The following TMOD3 variants were observed in gnomAD, a reference collection of about 807,000 sequenced individuals.
TMOD3 encodes tropomodulin-3.
TMOD3 carries 20 observed loss-of-function variants against 39.2 expected under a neutral mutation model. That is an observed-to-expected ratio of 0.51 (90% CI 0.36 to 0.74). The LOEUF (loss-of-function observed/expected upper bound fraction) is 0.74. Ranked by LOEUF, TMOD3 falls within the 30% of genes least tolerant of loss-of-function variation. TMOD3 has a pLI of 0.00. For missense variants in TMOD3, 381 were observed against 412.8 expected (o/e 0.92, Z 0.67); for synonymous variants, 143 against 145.8 (o/e 0.98, Z 0.14).
chr15:51,886,581 A>G (rs951483301), intron 3 of TMOD3, among the ~76,000 whole-genome samples: 2 of 152,152 alleles, frequency 1.3e-5, no homozygotes, highest in Non-Finnish European at 2.9e-5. Flanking sequence ...CAGGAGAATC[A>G]GGCAGGGAGG....
chr15:51,894,033 T>TC, intron 6 of TMOD3, 88 bp downstream of exon 6: 2 of 1,223,836 alleles, frequency 1.6e-6, no homozygotes, highest in Admixed American at 5.5e-5. Flanking sequence ...ATAGTCTAAT[T>TC]CTTTCTACTT....
At chr15:51,839,840 C>A (rs1368063098) in intron 1 of TMOD3, among the ~76,000 whole-genome samples, 1 of 152,068 alleles carries the variant, frequency 6.6e-6, no homozygotes, top group Non-Finnish European at 1.5e-5. Context: ...GAATTTGTTT[C>A]TCAGTTCAGA....
At chr15:51,863,557 A>G (rs2056429861) in intron 2 of TMOD3, among the ~76,000 whole-genome samples, 2 of 152,212 alleles carry the variant, frequency 1.3e-5, no homozygotes, top group Admixed American at 1.3e-4. Flanking sequence ...TTTAACTTGC[A>G]AGGTGGATGT....
rs1294086213 is a variant in TMOD3, at chr15:51,912,636, A to T, written c.*3826A>T. ...TAACCTCCCAGCAGATGCAAGGATC[A>T]TGCTTTCTCTGGAGTCCTTAGTCAC... is the stretch of plus-strand genomic sequence containing the variant. On this transcript the variant is annotated 3_prime_UTR_variant, in exon 10 of 10. Transcript: ENST00000308580. The T allele has an allele frequency of 3.3e-5, 5 of 152,182 alleles. No individual in the cohort carries two copies. The highest frequency in any genetic ancestry group is 7.3e-5 in the Non-Finnish European group (5 of 68,048). 9.4% of individuals were successfully genotyped at this position (152,182 alleles called of 1,614,324 possible).
chr15:51,912,163 C>T lies in TMOD3; in HGVS notation c.*3353C>T, dbSNP rs1322910692. 3 of 152,132 alleles carry T rather than the reference C, an allele frequency of 2.0e-5. No homozygotes were observed. Among genetic ancestry groups the T allele is most frequent in the Non-Finnish European group, 4.4e-5 (3 of 68,026 alleles). The allele number at this position is 152,132 out of a possible 1,614,324, so 9.4% of individuals were successfully genotyped here. On this transcript the variant is annotated 3_prime_UTR_variant, in exon 10 of 10. Coordinates refer to ENST00000308580, the MANE Select transcript of TMOD3 (RefSeq NM_014547.5). Reference sequence around the variant, plus strand: ...ATGTTTTGGGCCGGGTGCGGTGGCTCACGCCTGTAATCCTAGCACTTTGGG... The same window carrying T: ...ATGTTTTGGGCCGGGTGCGGTGGCTTACGCCTGTAATCCTAGCACTTTGGG...
chr15:51,839,402 C>T (rs1026245805), intron 1 of TMOD3, among the ~76,000 whole-genome samples: 1 of 152,028 alleles, frequency 6.6e-6, no homozygotes, highest in Non-Finnish European at 1.5e-5. Flanking sequence ...AACTCCTGGG[C>T]TCAAGCAGTC....
At chr15:51,850,622 CTT>C (rs1349941952) in intron 1 of TMOD3, among the ~76,000 whole-genome samples, 5 of 152,278 alleles carry the variant, frequency 3.3e-5, no homozygotes, top group African/African-American at 1.2e-4. Flanking sequence ...AGGCAGTACT[CTT>C]TGACATTAGT....
At chr15:51,859,494 G>A in intron 1 of TMOD3, 3 of 650,104 alleles carry the variant, frequency 4.6e-6, no homozygotes, top group South Asian at 4.1e-5. Context: ...TTTATACACA[G>A]CTCTGGCTTT....
At chr15:51,893,414 G>A (rs906622610) in intron 5 of TMOD3, among the ~76,000 whole-genome samples, 3 of 151,688 alleles carry the variant, frequency 2.0e-5, no homozygotes, top group Non-Finnish European at 4.4e-5. Flanking sequence ...ATAAATATGC[G>A]TGTATGAGAG....
In TMOD3 at chr15:51,893,872, A is replaced by G. The variant is rs771513685; in HGVS notation, c.554A>G (p.Asn185Ser). 6.2e-7 allele frequency: 1 copy of G among 1,611,326 alleles called. No homozygotes were observed. The highest frequency in any genetic ancestry group is 8.5e-7 in the Non-Finnish European group (1 of 1,178,282). ...PVFDEPPNPT[N>S]VEESLKRTKE... is the part of the protein sequence containing the mutation. ...TTTGATGAGCCACCAAATCCAACCAATGTAGAAGAGAGTTTGAAGAGAACT... is the reference window on the plus strand; with the variant it reads ...TTTGATGAGCCACCAAATCCAACCAGTGTAGAAGAGAGTTTGAAGAGAACT... The change falls in exon 6 of 10, where the codon AAT (asparagine) becomes AGT (serine). Residue 185 changes from asparagine (N) to serine (S), a missense_variant. Asn to Ser is a conservative substitution (Grantham distance 46). Transcript: ENST00000308580.
intron 3 of TMOD3, among the ~76,000 whole-genome samples, chr15:51,880,475 G>A (rs1281700352): frequency 6.6e-6 from 1 of 152,174 alleles, no homozygotes; most frequent in African/African-American, 2.4e-5. Context: ...CCCTGTGCAC[G>A]TTAGCAGTAA....
chr15:51,855,855 T>G (rs1189947088), intron 1 of TMOD3, among the ~76,000 whole-genome samples: 2 of 152,210 alleles, frequency 1.3e-5, no homozygotes, highest in African/African-American at 4.8e-5. Context: ...GAGCTCCTGC[T>G]GGCACTTGGA....
rs983472037 is a variant in TMOD3, at chr15:51,829,656, G to T, written c.-255G>T. On this transcript the variant is annotated 5_prime_UTR_variant, in exon 1 of 10. The change creates a new upstream start codon in the 5' untranslated region. Transcript: ENST00000308580. ...AGTGCGCACGCGCGTCGGAGGCGAA[G>T]GAGGAACCCACCGCACCTACAGGGC... 6.6e-6 allele frequency: 1 copy of T among 152,370 alleles called. No homozygotes were observed. Among genetic ancestry groups the T allele is most frequent in the African/African-American group, 2.4e-5 (1 of 41,470 alleles). 9.4% of individuals were successfully genotyped at this position (152,370 alleles called of 1,614,324 possible).
chr15:51,860,329 T>A, intron 1 of TMOD3: 1 of 538,376 alleles, frequency 1.9e-6, no homozygotes, highest in Non-Finnish European at 3.7e-6. Flanking sequence ...CGTGCCAATT[T>A]GCCCTTAAGG....
At chr15:51,833,621 A>T (rs894168058) in intron 1 of TMOD3, among the ~76,000 whole-genome samples, 1 of 152,184 alleles carries the variant, frequency 6.6e-6, no homozygotes, top group East Asian at 1.9e-4. Context: ...ATCATACAGC[A>T]TGTGCTTTTT....
intron 5 of TMOD3, among the ~76,000 whole-genome samples, chr15:51,893,294 CAAAAAAAA>C (rs59321162): frequency 4.1e-4 from 24 of 59,012 alleles, no homozygotes; most frequent in Non-Finnish European, 6.1e-4. Flanking sequence ...GACTCCATCT[CAAAAAAAA>C]AAAAAAAAAA....
At position 51,915,649 on chromosome 15, in the gene TMOD3, G is replaced by A. The variant is rs529756537; in HGVS notation, c.*6839G>A. The A allele has an allele frequency of 6.6e-6, 1 of 152,104 alleles. No homozygotes were observed. The highest frequency in any genetic ancestry group is 1.5e-5 in the Non-Finnish European group (1 of 68,030). The allele number at this position is 152,104 out of a possible 1,614,324, so 9.4% of individuals were successfully genotyped here. On this transcript the variant is annotated 3_prime_UTR_variant, in exon 10 of 10. Transcript: ENST00000308580. The stretch of plus-strand genomic sequence containing the variant: ...CAGTGAAGTTTCTTTTGAAGACTAT[G>A]TACTGGAAGCATTTAGAACTTACCA...
At chr15:51,900,567 G>A (rs553734302) in intron 8 of TMOD3, among the ~76,000 whole-genome samples, 1 of 152,304 alleles carries the variant, frequency 6.6e-6, no homozygotes, top group East Asian at 1.9e-4. Flanking sequence ...TCTTACATGT[G>A]ACCTAGTCCA....
At chr15:51,840,159 A>G (rs2056306188) in intron 1 of TMOD3, among the ~76,000 whole-genome samples, 1 of 152,170 alleles carries the variant, frequency 6.6e-6, no homozygotes, top group Non-Finnish European at 1.5e-5. Context: ...GGTGAGATAA[A>G]TATTGATAGA....
Sources: allele counts gnomAD v4.1 joint callset (sites outside exome capture counted in the v4.1 genomes callset), GRCh38; gene constraint gnomAD v4.1.1; transcripts MANE v1.5; gene names NCBI Gene and HGNC (gene_info 2026-07-23, HGNC 2026-07-21).